The following ETNK1 variants were observed in gnomAD, a reference collection of about 807,000 sequenced individuals.
ETNK1 encodes the protein putative protein product of Nbla10396.
Under a neutral mutation model 45.1 loss-of-function variants are expected in ETNK1, and 8 were observed. The ratio of observed to expected loss-of-function variants is 0.18; its 90% CI spans 0.10 to 0.32. The LOEUF is 0.32. ETNK1 is among the 10% of genes least tolerant of loss of function. The pLI is 1.00. For synonymous variants in ETNK1, 152 were observed against 151.9 expected (o/e 1.00, Z -0.01); for missense variants, 302 against 430.6 (o/e 0.70, Z 2.64).
chr12:22,628,954 AAC>A (rs1467626707), intron 1 of ETNK1, among the ~76,000 whole-genome samples: 1 of 152,136 alleles, frequency 6.6e-6, no homozygotes, highest in Non-Finnish European at 1.5e-5. Flanking sequence ...ATGGGGTTTG[AAC>A]ACAGTGCTAG....
intron 6 of ETNK1, among the ~76,000 whole-genome samples, chr12:22,678,191 G>T (rs1450150155): frequency 6.6e-6 from 1 of 152,108 alleles, no homozygotes; most frequent in African/African-American, 2.4e-5. Context: ...GCATTTGAAT[G>T]AATCAATAAT....
chr12:22,666,080 G>A (rs1474830568), intron 4 of ETNK1, among the ~76,000 whole-genome samples: 4 of 152,096 alleles, frequency 2.6e-5, no homozygotes, highest in Non-Finnish European at 4.4e-5. Context: ...TAGGCATCAC[G>A]GGAAGAAATT....
chr12:22,639,691 A>C (rs1466687427), intron 1 of ETNK1, among the ~76,000 whole-genome samples: 1 of 152,058 alleles, frequency 6.6e-6, no homozygotes, highest in Non-Finnish European at 1.5e-5. Context: ...AAAGAGGAAG[A>C]TCTAGAACCT....
intron 1 of ETNK1, among the ~76,000 whole-genome samples, chr12:22,633,399 T>TA (rs527986597): frequency 1.3e-5 from 2 of 152,240 alleles, no homozygotes; most frequent in Non-Finnish European, 2.9e-5. Context: ...TTTTGTCCGT[T>TA]ACTGTAGCAG....
At chr12:22,630,673 T>C (rs1953566770) in intron 1 of ETNK1, among the ~76,000 whole-genome samples, 1 of 152,062 alleles carries the variant, frequency 6.6e-6, no homozygotes, top group Non-Finnish European at 1.5e-5. Flanking sequence ...TGCAGTGGTG[T>C]GATCTCAGCT....
intron 2 of ETNK1, among the ~76,000 whole-genome samples, chr12:22,648,792 C>T (rs761525043): frequency 6.6e-6 from 1 of 151,942 alleles, no homozygotes; most frequent in Non-Finnish European, 1.5e-5. Flanking sequence ...TGTAATAAAC[C>T]GCCGAACTGT....
At chr12:22,658,694 A>G (rs931324521) in intron 2 of ETNK1, among the ~76,000 whole-genome samples, 2 of 152,118 alleles carry the variant, frequency 1.3e-5, no homozygotes, top group Non-Finnish European at 2.9e-5. Context: ...GCGGATGGAA[A>G]ATTAAGAGTA....
At chr12:22,676,471 G>T (rs142116540) in intron 6 of ETNK1, among the ~76,000 whole-genome samples, 7 of 151,974 alleles carry the variant, frequency 4.6e-5, no homozygotes, top group Non-Finnish European at 8.8e-5. Flanking sequence ...GTAAACATAC[G>T]TGTGCATGTG....
chr12:22,665,064 A>G (rs1954041546), intron 4 of ETNK1, among the ~76,000 whole-genome samples: 2 of 152,270 alleles, frequency 1.3e-5, no homozygotes, highest in Admixed American at 6.5e-5. Flanking sequence ...AAAAGCAGAT[A>G]TATTTATAGC....
At chr12:22,642,984 C>G (rs1953757768) in intron 1 of ETNK1, among the ~76,000 whole-genome samples, 1 of 151,940 alleles carries the variant, frequency 6.6e-6, no homozygotes, top group African/African-American at 2.4e-5. Context: ...ATTTGAAGTA[C>G]TTGACTTAAA....
intron 1 of ETNK1, chr12:22,626,072 C>G (rs1181942565): frequency 5.7e-6 from 2 of 352,234 alleles, no homozygotes; most frequent in African/African-American, 4.3e-5. Context: ...CCCTAGCGTA[C>G]TCAATTCCCA....
chr12:22,667,490 C>G (rs576723358), intron 4 of ETNK1, among the ~76,000 whole-genome samples: 1 of 152,140 alleles, frequency 6.6e-6, no homozygotes, highest in Non-Finnish European at 1.5e-5. Context: ...CAGATACTTA[C>G]ATTTAGAATG....
intron 4 of ETNK1, among the ~76,000 whole-genome samples, chr12:22,662,331 G>A (rs369658293): frequency 2.3e-5 from 3 of 130,032 alleles, no homozygotes; most frequent in South Asian, 2.6e-4. Context: ...CAGGTGATCC[G>A]CCCACCTCGG....
intron 4 of ETNK1, among the ~76,000 whole-genome samples, chr12:22,664,139 T>C (rs1398535165): frequency 6.6e-6 from 1 of 151,976 alleles, no homozygotes; most frequent in Non-Finnish European, 1.5e-5. Flanking sequence ...CCATGCCTTA[T>C]ACTTAAAAAG....
At chr12:22,664,640 A>G (rs887662976) in intron 4 of ETNK1, among the ~76,000 whole-genome samples, 2 of 152,098 alleles carry the variant, frequency 1.3e-5, no homozygotes, top group African/African-American at 4.8e-5. Flanking sequence ...AAAGATACAG[A>G]CTGCAGTTAT....
intron 1 of ETNK1, 113 bp downstream of exon 1, chr12:22,625,699 C>T (rs2271099): frequency 0.055 from 79,430 of 1,435,358 alleles, 2,709 homozygotes; most frequent in South Asian, 0.13. Context: ...GGCAACATCT[C>T]CTTAAGTCTA....
At chr12:22,659,558 A>G (rs1449356723) in intron 3 of ETNK1, among the ~76,000 whole-genome samples, 3 of 152,206 alleles carry the variant, frequency 2.0e-5, no homozygotes, top group Non-Finnish European at 4.4e-5. Flanking sequence ...CCTGCTAGTT[A>G]ACATTTCTGT....
intron 2 of ETNK1, among the ~76,000 whole-genome samples, chr12:22,651,540 A>G (rs1953874752): frequency 6.6e-6 from 1 of 152,098 alleles, no homozygotes; most frequent in South Asian, 2.1e-4. Flanking sequence ...ATCTGCCTAA[A>G]TCATTTCTTT....
At chr12:22,675,468 A>T (rs1189684799) in intron 6 of ETNK1, among the ~76,000 whole-genome samples, 2 of 151,860 alleles carry the variant, frequency 1.3e-5, no homozygotes, top group Admixed American at 1.3e-4. Flanking sequence ...GGGTTCTCCC[A>T]ACTCAGCCTC....
Sources: allele counts gnomAD v4.1 joint callset (sites outside exome capture counted in the v4.1 genomes callset), GRCh38; gene constraint gnomAD v4.1.1; transcripts MANE v1.5; gene names NCBI Gene and HGNC (gene_info 2026-07-23, HGNC 2026-07-21).